Variants in NUDT5 observed in about 807,000 individuals in gnomAD.
The protein encoded by NUDT5 is ADP-sugar pyrophosphatase.
NUDT5 carries 21 observed loss-of-function variants against 34.1 expected under a neutral mutation model. The ratio of observed to expected loss-of-function variants is 0.62; its 90% CI spans 0.44 to 0.89. The LOEUF is 0.89. NUDT5 is among the 40% of genes least tolerant of loss of function. The probability of loss-of-function intolerance (pLI) is 0.00; values close to 1 mark genes in which losing one functional copy is unlikely to be tolerated. For synonymous variants in NUDT5, 85 were observed against 97.6 expected (o/e 0.87, Z 0.76); for missense variants, 249 against 274.8 (o/e 0.91, Z 0.66).
chr10:12,167,552 A>G lies in NUDT5; in HGVS notation c.*150T>C. ...GGAAGGTCACAACCTACCTGTAATT[A>G]CAATTCCATACCACCACCACATCTG... On this transcript the variant is annotated 3_prime_UTR_variant, in exon 10 of 10. Transcript: ENST00000491614. The G allele has an allele frequency of 1.5e-6, 1 of 675,766 alleles. No homozygotes were observed. The highest frequency in any genetic ancestry group is 2.4e-6 in the Non-Finnish European group (1 of 408,602). The allele number at this position is 675,766 out of a possible 1,614,324, so 41.9% of individuals were successfully genotyped here.
rs1485025946 is a variant in NUDT5, at chr10:12,173,757, C to T, written c.346G>A (p.Glu116Lys). Reference protein sequence around the residue: ...EAAALRELEEETGYKGDIAEC... With the variant: ...EAAALRELEEKTGYKGDIAEC... The stretch of plus-strand genomic sequence containing the variant: ...GCAATGTCCCCTTTGTAGCCAGTTT[C>T]TTCTTCAAGCTCCCGGAGAGCAGCT... The change falls in exon 6 of 10, where the codon GAA becomes AAA. Residue 116 changes from glutamate to lysine, a missense_variant. Glu to Lys is a moderately conservative substitution (Grantham distance 56). Transcript: ENST00000491614. This position sits in a 1 kb window ranked among gnomAD's most constrained non-coding sequence, Gnocchi z 4.7. 1 of 1,614,100 alleles carries T rather than the reference C, an allele frequency of 6.2e-7. No homozygotes were observed. The highest frequency in any genetic ancestry group is 1.1e-5 in the South Asian group (1 of 91,088).
chr10:12,188,662 T>C (rs1835167657), intron 1 of NUDT5, among the ~76,000 whole-genome samples: 2 of 135,290 alleles, frequency 1.5e-5, no homozygotes, highest in South Asian at 2.3e-4. Flanking sequence ...ACCCAGGAGA[T>C]GGAGGTTGCA....
intron 1 of NUDT5, among the ~76,000 whole-genome samples, chr10:12,189,397 T>C (rs759826469): frequency 2.1e-4 from 32 of 152,158 alleles, no homozygotes; most frequent in Non-Finnish European, 4.0e-4. Flanking sequence ...TGAACCACCG[T>C]GCCTGGCCGC....
Position 12,171,792 on chromosome 10 carries a change from T to C in NUDT5, c.488-884A>G, listed in dbSNP as rs558457588. ...CGGGCTGGAGTGCAGTGGTGTGATC[T>C]TGACTCACTGCAACCTCCGCCTCCT... On this transcript the variant is annotated intron_variant, in intron 7 of 9. Coordinates refer to ENST00000491614, the MANE Select transcript of NUDT5 (RefSeq NM_014142.4). This position sits in a 1 kb window ranked among gnomAD's most constrained non-coding sequence, Gnocchi z 4.2. Among the ~76,000 whole-genome samples the C allele has an allele frequency of 6.6e-6, 1 of 152,040 alleles. No homozygotes were observed. The highest frequency in any genetic ancestry group is 2.1e-4 in the South Asian group (1 of 4,820).
chr10:12,192,991 T>G (rs1996526), intron 1 of NUDT5, among the ~76,000 whole-genome samples: 150,792 of 152,136 alleles, frequency 0.99, 74,751 homozygotes, highest in East Asian at 1. Flanking sequence ...GGGCAGGGAG[T>G]AATTAACGTT....
chr10:12,191,199 T>A (rs930221109), intron 1 of NUDT5, among the ~76,000 whole-genome samples: 1 of 151,842 alleles, frequency 6.6e-6, no homozygotes, highest in South Asian at 2.1e-4. Flanking sequence ...CTGGCTAACA[T>A]GGTGAAACCC....
intron 3 of NUDT5, among the ~76,000 whole-genome samples, chr10:12,179,565 A>T (rs1020883124): frequency 6.6e-6 from 1 of 152,258 alleles, no homozygotes; most frequent in African/African-American, 2.4e-5. Context: ...TGAGATTTTC[A>T]TATCATTTTG....
chr10:12,172,472 T>A (rs1431788228), intron 7 of NUDT5: 5 of 405,160 alleles, frequency 1.2e-5, no homozygotes, highest in African/African-American at 2.0e-5. Context: ...TCTCACTGTT[T>A]ACTACTTAAG....
chr10:12,195,816 G>C lies in NUDT5; in HGVS notation c.-88C>G. 8.9e-6 allele frequency: 2 copies of C among 225,808 alleles called. No individual in the cohort carries two copies. Among genetic ancestry groups the C allele is most frequent in the South Asian group, 1.0e-4 (2 of 19,318 alleles). The allele number at this position is 225,808 out of a possible 1,614,324, so 14.0% of individuals were successfully genotyped here. On this transcript the variant is annotated 5_prime_UTR_variant, in exon 1 of 10. Coordinates refer to ENST00000491614, the MANE Select transcript of NUDT5 (RefSeq NM_014142.4). ...ACGGAAGAGGACGAAATAACTAGCT[G>C]GAGGCAGCAGTGTCAGCCGATGCCG...
Position 12,168,245 on chromosome 10 carries a change from C to G in NUDT5, c.551-434G>C, listed in dbSNP as rs1371106029. On this transcript the variant is annotated intron_variant, in intron 9 of 9. Coordinates refer to ENST00000491614, the MANE Select transcript of NUDT5 (RefSeq NM_014142.4). This position sits in a 1 kb window ranked among gnomAD's most constrained non-coding sequence, Gnocchi z 4.8. ...TTTGCCATGTTGGCCAGGATGGTTTCGATCTCCTGACCTCGTGATCCACCC... is the reference window on the plus strand; with the variant it reads ...TTTGCCATGTTGGCCAGGATGGTTTGGATCTCCTGACCTCGTGATCCACCC... 6.6e-6 allele frequency among the ~76,000 whole-genome samples: 1 copy of G among 152,042 alleles called. No homozygotes were observed. Among genetic ancestry groups the G allele is most frequent in the African/African-American group, 2.4e-5 (1 of 41,398 alleles).
chr10:12,183,237 C>A (rs1003219308), intron 3 of NUDT5, among the ~76,000 whole-genome samples: 1 of 152,166 alleles, frequency 6.6e-6, no homozygotes, highest in African/African-American at 2.4e-5. Context: ...GGTTTGGGCC[C>A]TACTTATTTT....
chr10:12,194,053 T>C (rs1290213388), intron 1 of NUDT5, among the ~76,000 whole-genome samples: 1 of 152,146 alleles, frequency 6.6e-6, no homozygotes, highest in Non-Finnish European at 1.5e-5. Flanking sequence ...ATTTTTGATA[T>C]TTTAGTAGGG....
intron 3 of NUDT5, 68 bp downstream of exon 3, chr10:12,184,821 C>A: frequency 2.3e-6 from 2 of 867,590 alleles, no homozygotes; most frequent in East Asian, 2.5e-5. Context: ...AAAGTTTATG[C>A]AAAACACTCA....
At chr10:12,172,522 A>G (rs1219819210) in intron 7 of NUDT5, 14 of 554,480 alleles carry the variant, frequency 2.5e-5, no homozygotes, top group Non-Finnish European at 4.5e-5. Context: ...CACTTCATAT[A>G]GAAAACAGGG....
chr10:12,180,735 C>T (rs1181925313), intron 3 of NUDT5, among the ~76,000 whole-genome samples: 1 of 152,232 alleles, frequency 6.6e-6, no homozygotes, highest in Non-Finnish European at 1.5e-5. Context: ...CTCCCTGAGG[C>T]TCTTCCCTCC....
intron 3 of NUDT5, among the ~76,000 whole-genome samples, chr10:12,184,117 T>A (rs372814315): frequency 6.6e-6 from 1 of 152,204 alleles, no homozygotes; most frequent in Admixed American, 6.5e-5. Flanking sequence ...TGTGGTGTGA[T>A]CTCAGCTCAC....
intron 1 of NUDT5, among the ~76,000 whole-genome samples, chr10:12,192,303 C>CA (rs66550394): frequency 1.3e-3 from 176 of 135,128 alleles, no homozygotes; most frequent in Admixed American, 1.8e-3. Flanking sequence ...ACTCTGTCTC[C>CA]AAAAAAAAAA....
rs766729002 is a variant in NUDT5, at chr10:12,177,831, CG to C, written c.250del (p.Arg84AspfsTer9). On this transcript the variant is annotated frameshift_variant, in exon 5 of 10. Coordinates refer to ENST00000491614, the MANE Select transcript of NUDT5 (RefSeq NM_014142.4). LOFTEE classifies it high-confidence loss of function. ...YECIVLVKQF[R>X]PPMGGYCIEF... ...TATGCAGTAGCCCCCCATTGGTGGT[CG>C]GAACTGTTTCACCAGAACGATACAC... is the stretch of plus-strand genomic sequence containing the variant. 6.2e-7 allele frequency: 1 copy of C among 1,614,080 alleles called. No homozygotes were observed. The highest frequency in any genetic ancestry group is 1.1e-5 in the South Asian group (1 of 91,064).
At chr10:12,191,268 G>C (rs1382309119) in intron 1 of NUDT5, among the ~76,000 whole-genome samples, 1 of 151,946 alleles carries the variant, frequency 6.6e-6, no homozygotes. Flanking sequence ...CTGTAGTCCG[G>C]GCTACTCAGG....
Sources: allele counts gnomAD v4.1 joint callset (sites outside exome capture counted in the v4.1 genomes callset), GRCh38; gene constraint gnomAD v4.1.1; non-coding constraint Gnocchi (gnomAD v3.1); transcripts MANE v1.5; gene names NCBI Gene and HGNC (gene_info 2026-07-23, HGNC 2026-07-21).